CDK8: variants seen among roughly 807,000 people sequenced by gnomAD.
The protein encoded by CDK8 is cyclin-dependent kinase 8.
Under a neutral mutation model 71.5 loss-of-function variants are expected in CDK8, and 29 were observed. The observed-to-expected ratio is 0.41, with a 90% CI of 0.30 to 0.55. CDK8 has a LOEUF of 0.55. Among genes scored for constraint, CDK8 ranks in the 20% least tolerant of loss-of-function variants. The probability of loss-of-function intolerance (pLI) is 0.37; values close to 1 mark genes in which losing one functional copy is unlikely to be tolerated. For synonymous variants in CDK8, 161 were observed against 192.1 expected (o/e 0.84, Z 1.34); for missense variants, 288 against 572.6 (o/e 0.50, Z 5.07).
chr13:26,352,824 A>T (rs1443492452), intron 3 of CDK8, among the ~76,000 whole-genome samples: 1 of 152,196 alleles, frequency 6.6e-6, no homozygotes, highest in African/African-American at 2.4e-5. Context: ...CATATTCTGT[A>T]TATCATAAGA....
In CDK8 at chr13:26,361,784, C is replaced by CTTTTTTT. The variant is rs553508554; in HGVS notation, c.456+7927_456+7933dup. Among the ~76,000 whole-genome samples, 87 of 63,344 alleles carry CTTTTTTT rather than the reference C, an allele frequency of 1.4e-3. 8 individuals are homozygous for CTTTTTTT. The highest frequency in any genetic ancestry group is 5.2e-3 in the African/African-American group (74 of 14,236). The allele number at this position is 63,344 out of a possible 152,430, so 41.6% of individuals were successfully genotyped here. The stretch of plus-strand genomic sequence containing the variant: ...TCTTTTTGTCTTTCTTTTCTTTTCC[C>CTTTTTTT]TTTTTTTTTTTTTTTTTTTTTTTTT... On this transcript the variant is annotated intron_variant, in intron 4 of 12. Transcript: ENST00000381527.
At chr13:26,304,318 T>C (rs1873945018) in intron 1 of CDK8, among the ~76,000 whole-genome samples, 1 of 152,088 alleles carries the variant, frequency 6.6e-6, no homozygotes, top group African/African-American at 2.4e-5. Flanking sequence ...TTATGCAATA[T>C]GTAAGTTCAA....
At chr13:26,361,077 A>G (rs1351758173) in intron 4 of CDK8, among the ~76,000 whole-genome samples, 1 of 152,078 alleles carries the variant, frequency 6.6e-6, no homozygotes. Context: ...ATGTGTTCTG[A>G]TGTTCTCTTT....
At chr13:26,334,693 T>C (rs1872903042) in intron 1 of CDK8, among the ~76,000 whole-genome samples, 1 of 152,216 alleles carries the variant, frequency 6.6e-6, no homozygotes, top group Non-Finnish European at 1.5e-5. Context: ...TGTTACGTTT[T>C]AGTAATAATT....
intron 12 of CDK8, among the ~76,000 whole-genome samples, chr13:26,403,536 C>G (rs1451615178): frequency 6.6e-6 from 1 of 152,098 alleles, no homozygotes; most frequent in Non-Finnish European, 1.5e-5. Context: ...TCCTATCATA[C>G]TCACTTTTAC....
chr13:26,369,205 GAGGATTGCTTGGA>G (rs1246247500), intron 4 of CDK8, among the ~76,000 whole-genome samples: 1 of 151,812 alleles, frequency 6.6e-6, no homozygotes, highest in African/African-American at 2.4e-5. Flanking sequence ...GCTGAGGTGG[GAGGATTGCTTGGA>G]AGGATTGCTT....
At chr13:26,267,946 G>A (rs1398231767) in intron 1 of CDK8, among the ~76,000 whole-genome samples, 3 of 152,064 alleles carry the variant, frequency 2.0e-5, no homozygotes, top group Admixed American at 2.0e-4. Context: ...TCCTTCAATG[G>A]TTCTAGAAAC....
chr13:26,375,439 A>T (rs10507365), intron 4 of CDK8, among the ~76,000 whole-genome samples: 8,657 of 152,254 alleles, frequency 0.057, 410 homozygotes, highest in African/African-American at 0.12. Context: ...CACTCTTAAG[A>T]TACAGACACC....
Position 26,271,806 on chromosome 13 carries a change from C to CTTTTTTTTTTT in CDK8, c.128+17063_128+17073dup, listed in dbSNP as rs58160694. ...CCTGGGGGACAGAGTGAGACCCTGT[C>CTTTTTTTTTTT]TTTTTTTTTTTTTTTTTTTTTTTTT... On this transcript the variant is annotated intron_variant, in intron 1 of 12. Coordinates refer to ENST00000381527, the MANE Select transcript of CDK8 (RefSeq NM_001260.3). Among the ~76,000 whole-genome samples, 9 of 62,684 alleles carry CTTTTTTTTTTT rather than the reference C, an allele frequency of 1.4e-4. 2 individuals are homozygous for CTTTTTTTTTTT. Among genetic ancestry groups the CTTTTTTTTTTT allele is most frequent in the Admixed American group, 4.2e-4 (2 of 4,770 alleles). The allele number at this position is 62,684 out of a possible 152,430, so 41.1% of individuals were successfully genotyped here.
chr13:26,336,509 A>C (rs1009269187), intron 1 of CDK8, among the ~76,000 whole-genome samples: 3 of 151,960 alleles, frequency 2.0e-5, no homozygotes, highest in African/African-American at 7.3e-5. Context: ...AAGGTTTGAG[A>C]ACAGCCATTT....
At chr13:26,343,881 T>A (rs561230833) in intron 2 of CDK8, among the ~76,000 whole-genome samples, 1 of 152,270 alleles carries the variant, frequency 6.6e-6, no homozygotes, top group South Asian at 2.1e-4. Context: ...TTTTTTCTAT[T>A]TAAAAAATTT....
chr13:26,399,159 G>T (rs754264270), intron 9 of CDK8, among the ~76,000 whole-genome samples: 29 of 151,690 alleles, frequency 1.9e-4, no homozygotes, highest in Non-Finnish European at 3.8e-4. Flanking sequence ...ACAGGCGCCT[G>T]CCACCACACC....
intron 6 of CDK8, among the ~76,000 whole-genome samples, chr13:26,385,724 G>A (rs1875445347): frequency 6.6e-6 from 1 of 152,050 alleles, no homozygotes; most frequent in South Asian, 2.1e-4. Context: ...GCGACGGGGA[G>A]ACACTGTCTC....
chr13:26,267,878 C>T (rs750938597), intron 1 of CDK8, among the ~76,000 whole-genome samples: 1 of 152,154 alleles, frequency 6.6e-6, no homozygotes, highest in Non-Finnish European at 1.5e-5. Flanking sequence ...GTGAGGTTTC[C>T]ATCAAGCAAG....
In CDK8 at chr13:26,271,991, C is replaced by T. The variant is rs550128244; in HGVS notation, c.128+17222C>T. 2.6e-5 allele frequency among the ~76,000 whole-genome samples: 4 copies of T among 151,818 alleles called. No individual in the cohort carries two copies. In the South Asian group the frequency reaches 8.3e-4, roughly 32 times the overall value. ...TACACCACTGTAGACTTTATAAACA[C>T]TGTACACTTAGGCTACCCTAAATTT... On this transcript the variant is annotated intron_variant, in intron 1 of 12. Transcript: ENST00000381527.
intron 1 of CDK8, among the ~76,000 whole-genome samples, chr13:26,321,333 T>C (rs1874764672): frequency 6.6e-6 from 1 of 152,056 alleles, no homozygotes; most frequent in East Asian, 1.9e-4. Context: ...CTTAGAGTAA[T>C]TAAGATCATA....
intron 4 of CDK8, among the ~76,000 whole-genome samples, chr13:26,363,327 CA>C (rs71188725): frequency 6.4e-4 from 29 of 45,240 alleles, no homozygotes; most frequent in Non-Finnish European, 4.6e-4. Flanking sequence ...GACTCCATCT[CA>C]AAAAAAAAAA....
At chr13:26,285,988 A>G (rs1382009971) in intron 1 of CDK8, among the ~76,000 whole-genome samples, 3 of 152,228 alleles carry the variant, frequency 2.0e-5, no homozygotes, top group African/African-American at 7.2e-5. Context: ...AAACTGCAAA[A>G]CATTGCTGAA....
chr13:26,385,651 C>T (rs564010627), intron 6 of CDK8, among the ~76,000 whole-genome samples: 8 of 152,028 alleles, frequency 5.3e-5, no homozygotes, highest in African/African-American at 1.7e-4. Context: ...CTGGGAGGAT[C>T]GCTTGAGCCT....
Sources: allele counts gnomAD v4.1 joint callset (sites outside exome capture counted in the v4.1 genomes callset), GRCh38; gene constraint gnomAD v4.1.1; transcripts MANE v1.5; gene names NCBI Gene and HGNC (gene_info 2026-07-23, HGNC 2026-07-21).